The following IPCEF1 variants were observed in gnomAD, a reference collection of about 807,000 sequenced individuals.
The protein encoded by IPCEF1 is interactor protein for cytohesin exchange factors 1.
A neutral mutation model predicts 50.9 loss-of-function variants in IPCEF1; 31 were observed. The observed-to-expected ratio is 0.61, with a 90% CI of 0.46 to 0.82. The LOEUF is 0.82. Among genes scored for constraint, IPCEF1 ranks in the 40% least tolerant of loss-of-function variants. The pLI is 0.00. For synonymous variants in IPCEF1, 181 were observed against 192.0 expected (o/e 0.94, Z 0.47); for missense variants, 458 against 514.0 (o/e 0.89, Z 1.05).
At chr6:154,337,385 C>T (rs916692395) in intron 1 of IPCEF1, among the ~76,000 whole-genome samples, 5 of 152,088 alleles carry the variant, frequency 3.3e-5, no homozygotes, top group Admixed American at 2.6e-4. Context: ...AAAGAGGTAC[C>T]GCCTTTCCAT....
chr6:154,283,473 C>T (rs367730723), intron 2 of IPCEF1, among the ~76,000 whole-genome samples: 2 of 148,592 alleles, frequency 1.3e-5, no homozygotes, highest in East Asian at 4.0e-4. Flanking sequence ...TGGTGGGCCC[C>T]TGTAGTCCCA....
chr6:154,288,296 C>A (rs561339996), intron 2 of IPCEF1, among the ~76,000 whole-genome samples: 1 of 152,184 alleles, frequency 6.6e-6, no homozygotes, highest in East Asian at 1.9e-4. Flanking sequence ...TAAGTTAATA[C>A]GCTAATACTT....
At chr6:154,219,540 A>G (rs1401200809) in intron 7 of IPCEF1, among the ~76,000 whole-genome samples, 1 of 152,158 alleles carries the variant, frequency 6.6e-6, no homozygotes, top group Non-Finnish European at 1.5e-5. Flanking sequence ...TCACTATCAC[A>G]GGGCTCCAAG....
intron 1 of IPCEF1, among the ~76,000 whole-genome samples, chr6:154,349,113 T>C (rs923072304): frequency 4.6e-5 from 7 of 151,990 alleles, no homozygotes; most frequent in Non-Finnish European, 7.4e-5. Context: ...AATGTTAAAT[T>C]AAGGTTCCTG....
chr6:154,211,144 C>T (rs9397696), intron 9 of IPCEF1, among the ~76,000 whole-genome samples: 33,751 of 152,010 alleles, frequency 0.22, 3,928 homozygotes, highest in African/African-American at 0.3. Flanking sequence ...TGGCTGGGTG[C>T]GGTGGCTCAC....
chr6:154,287,295 T>G (rs1782387994), intron 2 of IPCEF1, among the ~76,000 whole-genome samples: 1 of 152,038 alleles, frequency 6.6e-6, no homozygotes, highest in Admixed American at 6.6e-5. Context: ...TGTGGAACTA[T>G]GGGCCAATTA....
chr6:154,250,248 T>C (rs542013887), intron 3 of IPCEF1, among the ~76,000 whole-genome samples: 1 of 148,214 alleles, frequency 6.7e-6, no homozygotes, highest in Admixed American at 6.7e-5. Context: ...TTTCGCTAGG[T>C]AAGTAAAAAA....
chr6:154,347,305 C>T (rs1338300511), intron 1 of IPCEF1, among the ~76,000 whole-genome samples: 5 of 152,124 alleles, frequency 3.3e-5, no homozygotes, highest in Non-Finnish European at 7.4e-5. Context: ...AAATTCTGAC[C>T]CCAGAGTCAA....
chr6:154,228,062 C>T (rs1036440891), intron 5 of IPCEF1, among the ~76,000 whole-genome samples: 2 of 152,146 alleles, frequency 1.3e-5, no homozygotes, highest in African/African-American at 4.8e-5. Context: ...TCTCTTCCTC[C>T]TCCTTTTCCT....
At chr6:154,268,470 A>C (rs925507754) in intron 2 of IPCEF1, among the ~76,000 whole-genome samples, 16 of 152,190 alleles carry the variant, frequency 1.1e-4, no homozygotes, top group African/African-American at 3.9e-4. Context: ...GTCCACACCC[A>C]TTGCCATCAT....
At chr6:154,213,509 G>A (rs1029944383) in intron 8 of IPCEF1, among the ~76,000 whole-genome samples, 2 of 152,170 alleles carry the variant, frequency 1.3e-5, no homozygotes, top group African/African-American at 4.8e-5. Context: ...CCCCTTTACT[G>A]TTTCAAATCA....
intron 11 of IPCEF1, among the ~76,000 whole-genome samples, chr6:154,163,496 T>C (rs560197712): frequency 2.6e-5 from 4 of 152,202 alleles, no homozygotes; most frequent in Non-Finnish European, 5.9e-5. Flanking sequence ...CTATCATCAC[T>C]TATCATATTA....
At chr6:154,319,822 C>T (rs940313359) in intron 1 of IPCEF1, among the ~76,000 whole-genome samples, 2 of 152,236 alleles carry the variant, frequency 1.3e-5, no homozygotes, top group Admixed American at 6.5e-5. Context: ...TCCCAATACA[C>T]GGCTCAGGCA....
intron 3 of IPCEF1, among the ~76,000 whole-genome samples, chr6:154,264,142 C>CA (rs1372136516): frequency 6.6e-6 from 1 of 151,860 alleles, no homozygotes; most frequent in Non-Finnish European, 1.5e-5. Flanking sequence ...TTTCTATTAT[C>CA]AAAAAACACC....
chr6:154,333,678 GTA>G (rs1394249266), intron 1 of IPCEF1, among the ~76,000 whole-genome samples: 2 of 150,766 alleles, frequency 1.3e-5, no homozygotes, highest in African/African-American at 4.9e-5. Flanking sequence ...GTGTGTATAT[GTA>G]TATATGTGTA....
At chr6:154,243,790 A>T (rs552481614) in intron 5 of IPCEF1, among the ~76,000 whole-genome samples, 1 of 152,082 alleles carries the variant, frequency 6.6e-6, no homozygotes, top group South Asian at 2.1e-4. Context: ...TTTTCCATTT[A>T]CTCCCATGTG....
intron 1 of IPCEF1, among the ~76,000 whole-genome samples, chr6:154,330,473 AAC>A (rs1562292089): frequency 6.6e-6 from 1 of 151,984 alleles, no homozygotes; most frequent in Non-Finnish European, 1.5e-5. Flanking sequence ...AGTAGCTGAG[AAC>A]ACAGACATCC....
chr6:154,286,335 C>T (rs374071908), intron 2 of IPCEF1, among the ~76,000 whole-genome samples: 2 of 152,082 alleles, frequency 1.3e-5, no homozygotes, highest in Admixed American at 6.6e-5. Flanking sequence ...ATGTTCTGCA[C>T]GTGTATCCCA....
chr6:154,197,890 T>G (rs1352744038), intron 10 of IPCEF1, among the ~76,000 whole-genome samples: 1 of 152,244 alleles, frequency 6.6e-6, no homozygotes, highest in African/African-American at 2.4e-5. Flanking sequence ...AGTAAGCGTT[T>G]GTAGGAGAAA....
Sources: gnomAD v4.1 joint callset for allele counts (sites outside exome capture counted in the v4.1 genomes callset) on GRCh38, gnomAD v4.1.1 for gene constraint, MANE v1.5 for transcripts, NCBI Gene and HGNC (gene_info 2026-07-23, HGNC 2026-07-21) for gene names.